ZNF521: variants seen among roughly 807,000 people sequenced by gnomAD.
The protein encoded by ZNF521 is zinc finger protein 521.
A neutral mutation model predicts 105.5 loss-of-function variants in ZNF521; 14 were observed. The ratio of observed to expected loss-of-function variants is 0.13; its 90% CI spans 0.09 to 0.21. ZNF521 has a LOEUF of 0.21. ZNF521 is among the 10% of genes least tolerant of loss of function. The pLI is 1.00. For synonymous variants in ZNF521, 635 were observed against 606.0 expected (o/e 1.05, Z -0.70); for missense variants, 1,233 against 1,629.7 (o/e 0.76, Z 4.19).
intron 2 of ZNF521, among the ~76,000 whole-genome samples, chr18:25,344,693 G>A (rs1393406027): frequency 2.0e-5 from 3 of 152,014 alleles, no homozygotes; most frequent in African/African-American, 7.3e-5. Context: ...CAATTCAAAA[G>A]CATTCTTTCA....
chr18:25,278,313 A>C (rs1910160893), intron 3 of ZNF521, among the ~76,000 whole-genome samples: 2 of 152,232 alleles, frequency 1.3e-5, no homozygotes, highest in Admixed American at 1.3e-4. Flanking sequence ...ATGCCTCAGC[A>C]CATGACAAAG....
chr18:25,349,471 A>T (rs1248169515), intron 2 of ZNF521, among the ~76,000 whole-genome samples: 1 of 152,220 alleles, frequency 6.6e-6, no homozygotes, highest in Non-Finnish European at 1.5e-5. Flanking sequence ...TCTGCGCTTT[A>T]GGAAAAAAGC....
intron 5 of ZNF521, among the ~76,000 whole-genome samples, chr18:25,151,572 A>G (rs777235671): frequency 2.6e-5 from 4 of 152,154 alleles, no homozygotes; most frequent in African/African-American, 9.7e-5. Context: ...GGAGGTGGTG[A>G]GTCTTTAGGT....
At chr18:25,170,561 A>C (rs929849766) in intron 5 of ZNF521, among the ~76,000 whole-genome samples, 14 of 152,166 alleles carry the variant, frequency 9.2e-5, no homozygotes, top group African/African-American at 2.9e-4. Context: ...CTGTTGGTAC[A>C]CACTATCTCT....
At chr18:25,199,442 C>G (rs369909131) in intron 4 of ZNF521, among the ~76,000 whole-genome samples, 38 of 151,894 alleles carry the variant, frequency 2.5e-4, no homozygotes, top group African/African-American at 8.2e-4. Context: ...TGACTATCAG[C>G]TGATTATTAG....
chr18:25,208,385 A>G (rs545709418), intron 4 of ZNF521, among the ~76,000 whole-genome samples: 1 of 152,326 alleles, frequency 6.6e-6, no homozygotes, highest in African/African-American at 2.4e-5. Context: ...AATTTTGTAT[A>G]ACAAAATAAT....
intron 2 of ZNF521, among the ~76,000 whole-genome samples, chr18:25,336,052 A>G (rs1374140337): frequency 2.0e-5 from 3 of 152,202 alleles, no homozygotes; most frequent in African/African-American, 7.2e-5. Flanking sequence ...CCAAGAGGAA[A>G]ACAATGTCAA....
intron 7 of ZNF521, among the ~76,000 whole-genome samples, chr18:25,065,212 T>C (rs1165751441): frequency 1.3e-5 from 2 of 152,092 alleles, no homozygotes; most frequent in Non-Finnish European, 2.9e-5. Flanking sequence ...ACCAAATAAG[T>C]ACAAGAAGAT....
Position 25,168,954 on chromosome 18 carries a change from GGTGTGTGTGT to G in ZNF521, c.3658+26196_3658+26205del, listed in dbSNP as rs33910445. The stretch of plus-strand genomic sequence containing the variant: ...TACAATGACTGGTTTCTGTGTCTGG[GGTGTGTGTGT>G]GTGTGTGTGTGTATTTCATATTGTG... On this transcript the variant is annotated intron_variant, in intron 5 of 7. Coordinates refer to ENST00000361524, the MANE Select transcript of ZNF521 (RefSeq NM_015461.3). 4.7e-5 allele frequency among the ~76,000 whole-genome samples: 7 copies of G among 150,348 alleles called. No individual in the cohort carries two copies. In the South Asian group the frequency reaches 1.5e-3, roughly 32 times the overall value.
intron 3 of ZNF521, among the ~76,000 whole-genome samples, chr18:25,291,956 A>T (rs1027473019): frequency 6.6e-6 from 1 of 152,204 alleles, no homozygotes; most frequent in Non-Finnish European, 1.5e-5. Context: ...TCATCTTTTT[A>T]ACTTCTTTTG....
intron 5 of ZNF521, among the ~76,000 whole-genome samples, chr18:25,118,124 A>G (rs529830634): frequency 1.3e-5 from 2 of 152,126 alleles, no homozygotes; most frequent in African/African-American, 2.4e-5. Flanking sequence ...CTCAGAAGAC[A>G]GCAGACTAAT....
At chr18:25,081,096 A>T (rs1490610235) in intron 7 of ZNF521, among the ~76,000 whole-genome samples, 1 of 136,468 alleles carries the variant, frequency 7.3e-6, no homozygotes, top group South Asian at 2.7e-4. Flanking sequence ...GCCCAGCCAA[A>T]GCAGAATGTG....
At chr18:25,210,604 G>C (rs557039860) in intron 4 of ZNF521, among the ~76,000 whole-genome samples, 1 of 152,264 alleles carries the variant, frequency 6.6e-6, no homozygotes, top group South Asian at 2.1e-4. Context: ...GTGGCTCTGA[G>C]AACCTGTACT....
At chr18:25,136,546 A>G (rs1445564696) in intron 5 of ZNF521, among the ~76,000 whole-genome samples, 1 of 152,146 alleles carries the variant, frequency 6.6e-6, no homozygotes, top group Admixed American at 6.6e-5. Context: ...TTGTTTTCAT[A>G]GAAGGAGAGG....
chr18:25,303,964 C>T (rs1342427552), intron 3 of ZNF521, among the ~76,000 whole-genome samples: 1 of 152,154 alleles, frequency 6.6e-6, no homozygotes, highest in Non-Finnish European at 1.5e-5. Context: ...TATTGACCTA[C>T]CTCATGAGCA....
chr18:25,351,871 CTCGGCAGCGGCG>C (rs990856708), intron 1 of ZNF521, 122 bp downstream of exon 1: 3 of 269,080 alleles, frequency 1.1e-5, no homozygotes, highest in Non-Finnish European at 1.5e-5. Flanking sequence ...CTACGGCTGC[CTCGGCAGCGGCG>C]GCGGCAGCAG....
intron 5 of ZNF521, among the ~76,000 whole-genome samples, chr18:25,154,610 A>G (rs1352178187): frequency 2.0e-5 from 3 of 152,154 alleles, no homozygotes; most frequent in African/African-American, 7.2e-5. Context: ...ATACCCTGAA[A>G]TTTAATAAAA....
intron 2 of ZNF521, among the ~76,000 whole-genome samples, chr18:25,326,525 C>T (rs1316184210): frequency 6.6e-6 from 1 of 152,200 alleles, no homozygotes; most frequent in African/African-American, 2.4e-5. Context: ...GATTAATATG[C>T]CGTAGCTGCA....
chr18:25,248,141 A>G (rs1247104274), intron 3 of ZNF521, among the ~76,000 whole-genome samples: 2 of 152,150 alleles, frequency 1.3e-5, no homozygotes, highest in Admixed American at 6.5e-5. Flanking sequence ...CTATCTTGAC[A>G]CCACACACAC....
Sources: gnomAD v4.1 joint callset for allele counts (sites outside exome capture counted in the v4.1 genomes callset) on GRCh38, gnomAD v4.1.1 for gene constraint, MANE v1.5 for transcripts, NCBI Gene and HGNC (gene_info 2026-07-23, HGNC 2026-07-21) for gene names.